Variants in ORC4 observed in about 807,000 individuals in gnomAD.
ORC4 encodes origin recognition complex subunit 4, also known as origin recognition complex, subunit 4 homolog.
Under a neutral mutation model 63.9 loss-of-function variants are expected in ORC4, and 55 were observed. The observed-to-expected ratio is 0.86, with a 90% confidence interval of 0.69 to 1.08. The LOEUF is 1.08. Among genes scored for constraint, ORC4 ranks in the 50% least tolerant of loss-of-function variants. The pLI is 0.00. For synonymous variants in ORC4, 150 were observed against 168.5 expected, an observed-to-expected ratio of 0.89 and a Z score of 0.85; for missense variants, 511 against 504.4, an observed-to-expected ratio of 1.01 and a Z score of -0.13.
At chr2:147,982,511 A>G (rs1285376151) in intron 1 of ORC4, among the ~76,000 whole-genome samples, 2 of 152,206 alleles carry the variant, frequency 1.3e-5, no homozygotes, top group East Asian at 3.8e-4. Flanking sequence ...TACTCAAAAA[A>G]GCTAAATAAA....
intron 1 of ORC4, among the ~76,000 whole-genome samples, chr2:148,003,583 A>T (rs1048559432): frequency 6.6e-6 from 1 of 152,222 alleles, no homozygotes; most frequent in Non-Finnish European, 1.5e-5. Flanking sequence ...AAAACTCTCA[A>T]TAAACTAAGA....
Position 147,962,134 on chromosome 2 carries a change from G to C in ORC4, c.226-3268C>G, listed in dbSNP as rs1268286883. Among the ~76,000 whole-genome samples the C allele has an allele frequency of 6.6e-5, 10 of 152,168 alleles. No individual in the cohort carries two copies. The East Asian group carries it at 1.9e-3, about 30-fold the overall frequency. On this transcript the variant is annotated intron_variant, in intron 4 of 13. Transcript: ENST00000392857. The stretch of plus-strand genomic sequence containing the variant: ...CCTGGCCTCTGCAGCTACATCTCCT[G>C]CACCCCGATCAAATCTTCCCGTAGT...
At chr2:147,958,054 C>T (rs1270335238) in intron 6 of ORC4, among the ~76,000 whole-genome samples, 1 of 152,066 alleles carries the variant, frequency 6.6e-6, no homozygotes, top group East Asian at 1.9e-4. Context: ...CTCAGAATAT[C>T]TACATAAACT....
chr2:147,998,659 A>T (rs1050150170), intron 1 of ORC4, among the ~76,000 whole-genome samples: 3 of 152,210 alleles, frequency 2.0e-5, no homozygotes, highest in African/African-American at 7.2e-5. Flanking sequence ...ATAAAACCTC[A>T]TATCTTTATA....
intron 1 of ORC4, among the ~76,000 whole-genome samples, chr2:147,989,706 C>G (rs1383504324): frequency 1.3e-5 from 2 of 149,554 alleles, no homozygotes; most frequent in Non-Finnish European, 2.9e-5. Context: ...AGACTCATCT[C>G]AAAAACAACA....
intron 4 of ORC4, among the ~76,000 whole-genome samples, chr2:147,969,381 T>A (rs1328083132): frequency 6.6e-6 from 1 of 152,072 alleles, no homozygotes; most frequent in African/African-American, 2.4e-5. Flanking sequence ...CATCAAAACA[T>A]CACTATATAT....
chr2:148,008,108 G>C (rs1274362271), intron 1 of ORC4, among the ~76,000 whole-genome samples: 1 of 152,150 alleles, frequency 6.6e-6, no homozygotes, highest in Non-Finnish European at 1.5e-5. Context: ...AATAAAAGCT[G>C]AGGGATTTCA....
intron 6 of ORC4, 107 bp from the exon 7 acceptor site, chr2:147,955,502 A>G: frequency 1.3e-6 from 1 of 761,782 alleles, no homozygotes; most frequent in South Asian, 1.6e-5. Context: ...TCTTCTAGTT[A>G]TTAGAGTCAT....
At position 147,971,728 on chromosome 2, in the gene ORC4, A is replaced by G. The variant is rs530614672; in HGVS notation, c.225+1011T>C. 4.6e-5 allele frequency among the ~76,000 whole-genome samples: 7 copies of G among 152,206 alleles called. No individual in the cohort carries two copies. The South Asian group carries it at 8.3e-4, about 18-fold the overall frequency. ...ATAAAAAACTCAAGAATGAAGAAATAGTGATTATAGAAGCTGAGTATGAGG... is the reference window on the plus strand; with the variant it reads ...ATAAAAAACTCAAGAATGAAGAAATGGTGATTATAGAAGCTGAGTATGAGG... On this transcript the variant is annotated intron_variant, in intron 4 of 13. Coordinates refer to ENST00000392857, the MANE Select transcript of ORC4 (RefSeq NM_181741.4).
At chr2:147,963,757 C>T (rs957544623) in intron 4 of ORC4, among the ~76,000 whole-genome samples, 1 of 152,092 alleles carries the variant, frequency 6.6e-6, no homozygotes, top group Admixed American at 6.5e-5. Flanking sequence ...TGAGAACCAG[C>T]CCAGCAAACC....
chr2:147,937,701 A>G (rs1688129352), intron 13 of ORC4, among the ~76,000 whole-genome samples: 1 of 152,324 alleles, frequency 6.6e-6, no homozygotes, highest in East Asian at 1.9e-4. Flanking sequence ...GGTAATCTAC[A>G]TGAAGTCCTG....
At chr2:147,951,839 G>A (rs1440641653) in intron 8 of ORC4, among the ~76,000 whole-genome samples, 1 of 152,176 alleles carries the variant, frequency 6.6e-6, no homozygotes, top group African/African-American at 2.4e-5. Flanking sequence ...TATGTACAGA[G>A]CCTTCACAAG....
Position 147,930,848 on chromosome 2 carries a change from T to A in ORC4, c.*4662A>T, listed in dbSNP as rs2105233195. On this transcript the variant is annotated 3_prime_UTR_variant, in exon 14 of 14. Coordinates refer to ENST00000392857, the MANE Select transcript of ORC4 (RefSeq NM_181741.4). Reference sequence around the variant, plus strand: ...TATGATTTGCATATGCAGTTTTTCTTTAGCTATGTTTTTTTTTTTTTTTAT... The same window carrying A: ...TATGATTTGCATATGCAGTTTTTCTATAGCTATGTTTTTTTTTTTTTTTAT... 1 of 141,812 alleles carries A rather than the reference T, an allele frequency of 7.1e-6. No individual in the cohort carries two copies. The highest frequency in any genetic ancestry group is 1.5e-5 in the Non-Finnish European group (1 of 66,132). The allele number at this position is 141,812 out of a possible 1,614,324, so 8.8% of individuals were successfully genotyped here. A position where few individuals can be genotyped will look rare whatever the true frequency, so the allele number is the denominator to read the frequency against.
intron 1 of ORC4, among the ~76,000 whole-genome samples, chr2:148,018,971 G>A (rs1418810041): frequency 1.3e-5 from 2 of 151,978 alleles, no homozygotes; most frequent in Admixed American, 6.6e-5. Context: ...ATCGATGTTT[G>A]TATGCTTAAA....
intron 10 of ORC4, among the ~76,000 whole-genome samples, 156 bp downstream of exon 10, chr2:147,943,280 G>A (rs1688466496): frequency 6.6e-6 from 1 of 152,058 alleles, no homozygotes; most frequent in Non-Finnish European, 1.5e-5. Flanking sequence ...GCTGGGCACA[G>A]TGGTTGATGC....
At chr2:148,020,020 G>A (rs1224882427) in intron 1 of ORC4, among the ~76,000 whole-genome samples, 1 of 152,074 alleles carries the variant, frequency 6.6e-6, no homozygotes, top group African/African-American at 2.4e-5. Context: ...TTCATCAATC[G>A]TAGAACTCAA....
At chr2:147,939,903 C>T (rs570208089) in intron 10 of ORC4, among the ~76,000 whole-genome samples, 2 of 152,094 alleles carry the variant, frequency 1.3e-5, no homozygotes, top group South Asian at 4.2e-4. Context: ...TTTAGGGTTA[C>T]AAGATTTAGC....
At chr2:148,004,034 T>C (rs2105442488) in intron 1 of ORC4, among the ~76,000 whole-genome samples, 1 of 152,020 alleles carries the variant, frequency 6.6e-6, no homozygotes, top group South Asian at 2.1e-4. Context: ...ATAAAATACA[T>C]AGGAATACAA....
chr2:147,971,209 T>C (rs141552612), intron 4 of ORC4, among the ~76,000 whole-genome samples: 20 of 152,016 alleles, frequency 1.3e-4, no homozygotes, highest in Admixed American at 6.6e-4. Context: ...TGAAAAGACA[T>C]AGCAACATCC....
Sources: gnomAD v4.1 joint callset for allele counts (sites outside exome capture counted in the v4.1 genomes callset) on GRCh38, gnomAD v4.1.1 for gene constraint, MANE v1.5 for transcripts, NCBI Gene and HGNC (gene_info 2026-07-23, HGNC 2026-07-21) for gene names.